Variants in SNX3 observed in about 807,000 individuals in gnomAD.
SNX3 encodes sorting nexin-3.
A neutral mutation model predicts 17.7 loss-of-function variants in SNX3; 5 were observed. The observed-to-expected ratio is 0.28, with a 90% CI of 0.15 to 0.59. The LOEUF (loss-of-function observed/expected upper bound fraction) is 0.59. SNX3 is among the 20% of genes least tolerant of loss of function. The pLI is 0.88. For synonymous variants in SNX3, 91 were observed against 76.5 expected, an observed-to-expected ratio of 1.19 and a Z score of -0.99; for missense variants, 132 against 206.8, an observed-to-expected ratio of 0.64 and a Z score of 2.22.
intron 2 of SNX3, among the ~76,000 whole-genome samples, chr6:108,219,471 G>A (rs1774688471): frequency 6.6e-6 from 1 of 152,188 alleles, no homozygotes; most frequent in Admixed American, 6.5e-5. Flanking sequence ...AGCTGGACAT[G>A]GTGGCTCATG....
chr6:108,255,408 G>T (rs899250416), intron 1 of SNX3, among the ~76,000 whole-genome samples: 3 of 152,086 alleles, frequency 2.0e-5, no homozygotes, highest in Non-Finnish European at 4.4e-5. Flanking sequence ...AGAGTGCGGT[G>T]GTATGATCGT....
In SNX3 at chr6:108,218,179, C is replaced by T. The variant is rs999981516; in HGVS notation, c.259-3557G>A. ...GAACTCTAAGAGTCTTATATATTCT[C>T]GACATAACTCTATAATAAAAAGATG... On this transcript the variant is annotated intron_variant, in intron 2 of 3. Coordinates refer to ENST00000230085, the MANE Select transcript of SNX3 (RefSeq NM_003795.6). 9.9e-5 allele frequency among the ~76,000 whole-genome samples: 15 copies of T among 152,058 alleles called. No homozygotes were observed. The East Asian group carries it at 1.2e-3, about 12-fold the overall frequency.
Position 108,250,215 on chromosome 6 carries a change from GT to G in SNX3, c.162+10544del, listed in dbSNP as rs1326432637. 3.9e-5 allele frequency among the ~76,000 whole-genome samples: 6 copies of G among 152,242 alleles called. No homozygotes were observed. In the South Asian group the frequency reaches 6.2e-4, roughly 16 times the overall value. ...AGTGAGCCACCATGCCCGGCCTCAT[GT>G]TTTGATAATAGATTCTCCAAGTGCC... On this transcript the variant is annotated intron_variant, in intron 1 of 3. Coordinates refer to ENST00000230085, the MANE Select transcript of SNX3 (RefSeq NM_003795.6).
chr6:108,223,531 A>C (rs1326108842), intron 1 of SNX3, among the ~76,000 whole-genome samples: 3 of 113,516 alleles, frequency 2.6e-5, no homozygotes, highest in Non-Finnish European at 4.7e-5. Context: ...TTTTTGAGAC[A>C]GAATCTCACT....
chr6:108,215,146 G>A (rs941191838), intron 2 of SNX3, among the ~76,000 whole-genome samples: 3 of 151,530 alleles, frequency 2.0e-5, no homozygotes, highest in African/African-American at 7.3e-5. Flanking sequence ...TCAGGAGATC[G>A]AGACCATCCT....
intron 2 of SNX3, 79 bp downstream of exon 2, chr6:108,222,871 A>G (rs1774842542): frequency 2.4e-6 from 2 of 832,296 alleles, no homozygotes; most frequent in Admixed American, 4.5e-5. Context: ...CATTTTATTC[A>G]ATATCATTTT....
At chr6:108,255,006 G>C (rs928114061) in intron 1 of SNX3, among the ~76,000 whole-genome samples, 2 of 152,142 alleles carry the variant, frequency 1.3e-5, no homozygotes, top group African/African-American at 4.8e-5. Flanking sequence ...TACTCTGCTT[G>C]GTTACCTCAA....
At chr6:108,250,558 C>A (rs775887348) in intron 1 of SNX3, among the ~76,000 whole-genome samples, 3 of 152,176 alleles carry the variant, frequency 2.0e-5, no homozygotes, top group Non-Finnish European at 4.4e-5. Context: ...TGGTGATATA[C>A]ACATACATGC....
At chr6:108,254,819 G>C (rs1775983359) in intron 1 of SNX3, among the ~76,000 whole-genome samples, 1 of 152,214 alleles carries the variant, frequency 6.6e-6, no homozygotes, top group Non-Finnish European at 1.5e-5. Flanking sequence ...ATAAGTGATA[G>C]TAACCAGATG....
chr6:108,235,123 C>T (rs766984093), intron 1 of SNX3, among the ~76,000 whole-genome samples: 1 of 152,196 alleles, frequency 6.6e-6, no homozygotes, highest in Non-Finnish European at 1.5e-5. Flanking sequence ...TCCTCTCTCA[C>T]ATTGGCTTGG....
intron 1 of SNX3, among the ~76,000 whole-genome samples, chr6:108,250,253 A>G (rs1210570213): frequency 6.6e-6 from 1 of 152,098 alleles, no homozygotes; most frequent in Non-Finnish European, 1.5e-5. Flanking sequence ...TTTGATTTCC[A>G]TTATTTCAAT....
chr6:108,260,680 G>A, intron 1 of SNX3, 80 bp downstream of exon 1: 1 of 1,527,932 alleles, frequency 6.5e-7, no homozygotes, highest in Non-Finnish European at 9.0e-7. Flanking sequence ...GGCTGCCCGC[G>A]GGGGTCCACT....
At chr6:108,217,390 G>A (rs896190604) in intron 2 of SNX3, among the ~76,000 whole-genome samples, 4 of 152,034 alleles carry the variant, frequency 2.6e-5, no homozygotes, top group African/African-American at 9.7e-5. Context: ...ATCATAAATG[G>A]CTCATCCAGC....
intron 1 of SNX3, among the ~76,000 whole-genome samples, chr6:108,258,444 C>T (rs985227939): frequency 4.1e-5 from 6 of 146,132 alleles, no homozygotes; most frequent in South Asian, 2.1e-4. Context: ...GGCAACAGAG[C>T]GAGACTCCGT....
chr6:108,224,512 C>T (rs999828765), intron 1 of SNX3, among the ~76,000 whole-genome samples: 9 of 152,066 alleles, frequency 5.9e-5, no homozygotes, highest in Non-Finnish European at 1.3e-4. Context: ...CATCTCCTGA[C>T]CGCGTGATCT....
chr6:108,259,688 T>C (rs1776131946), intron 1 of SNX3, among the ~76,000 whole-genome samples: 1 of 152,262 alleles, frequency 6.6e-6, no homozygotes, highest in African/African-American at 2.4e-5. Flanking sequence ...ACAATGTGAA[T>C]ATACTACTGA....
chr6:108,231,575 C>T (rs9374028), intron 1 of SNX3, among the ~76,000 whole-genome samples: 7,887 of 152,252 alleles, frequency 0.052, 377 homozygotes, highest in Admixed American at 0.15. Context: ...TGCTTTCCAT[C>T]GGAAGGCACA....
In SNX3 at chr6:108,211,838, A is replaced by G. The variant is rs926108444; in HGVS notation, c.*311T>C. ...AACAAGACGCAAAAACTGTGCAAAT[A>G]AGACCAAGCCAGTAACTTTAGTTAC... On this transcript the variant is annotated 3_prime_UTR_variant, in exon 4 of 4. Transcript: ENST00000230085. 4.9e-6 allele frequency: 1 copy of G among 204,772 alleles called. No homozygotes were observed. The highest frequency in any genetic ancestry group is 9.8e-6 in the Non-Finnish European group (1 of 102,406). 12.7% of individuals were successfully genotyped at this position (204,772 alleles called of 1,614,324 possible).
At chr6:108,242,721 TCC>T (rs1775556741) in intron 1 of SNX3, among the ~76,000 whole-genome samples, 1 of 152,176 alleles carries the variant, frequency 6.6e-6, no homozygotes, top group African/African-American at 2.4e-5. Context: ...GATGTTAAAC[TCC>T]CTAATCAGTT....
Sources: allele counts gnomAD v4.1 joint callset (sites outside exome capture counted in the v4.1 genomes callset), GRCh38; gene constraint gnomAD v4.1.1; transcripts MANE v1.5; gene names NCBI Gene and HGNC (gene_info 2026-07-23, HGNC 2026-07-21).